Variants in PDSS2 observed in about 807,000 individuals in gnomAD.
PDSS2 encodes all trans-polyprenyl-diphosphate synthase PDSS2.
PDSS2 carries 31 observed loss-of-function variants against 44.5 expected under a neutral mutation model. That is an observed-to-expected ratio of 0.70 (90% CI 0.52 to 0.94). PDSS2 has a LOEUF of 0.94. Among genes scored for constraint, PDSS2 ranks in the 40% least tolerant of loss-of-function variants. The probability of loss-of-function intolerance (pLI) is 0.00; values close to 1 mark genes in which losing one functional copy is unlikely to be tolerated. For synonymous variants in PDSS2, 157 were observed against 180.3 expected (o/e 0.87, Z 1.03); for missense variants, 452 against 482.2 (o/e 0.94, Z 0.59).
intron 1 of PDSS2, among the ~76,000 whole-genome samples, chr6:107,456,085 G>A (rs546610368): frequency 1.2e-3 from 181 of 152,336 alleles, no homozygotes; most frequent in African/African-American, 4.1e-3. Flanking sequence ...CACTTTGGGA[G>A]GCTGAGGTGG....
chr6:107,228,252 T>C (rs991342069), intron 4 of PDSS2, among the ~76,000 whole-genome samples: 4 of 152,194 alleles, frequency 2.6e-5, no homozygotes, highest in African/African-American at 9.6e-5. Flanking sequence ...CATACTAAGC[T>C]TTCTTAGTCA....
At position 107,427,023 on chromosome 6, in the gene PDSS2, G is replaced by A. The variant is rs181311477; in HGVS notation, c.296+31967C>T. 9.2e-5 allele frequency among the ~76,000 whole-genome samples: 14 copies of A among 152,292 alleles called. No homozygotes were observed. In the East Asian group the frequency reaches 2.7e-3, roughly 29 times the overall value. On this transcript the variant is annotated intron_variant, in intron 1 of 7. Coordinates refer to ENST00000369037, the MANE Select transcript of PDSS2 (RefSeq NM_020381.4). ...AATTGGTTTTGAAATGTGAGGACATGAGATTTAGGAGGGACCAGGGGCGGA... is the reference window on the plus strand; with the variant it reads ...AATTGGTTTTGAAATGTGAGGACATAAGATTTAGGAGGGACCAGGGGCGGA...
chr6:107,292,712 A>G (rs1250307531), intron 2 of PDSS2, among the ~76,000 whole-genome samples: 1 of 152,190 alleles, frequency 6.6e-6, no homozygotes, highest in Middle Eastern at 3.2e-3. Context: ...TAACTGAGAC[A>G]TACACTTGAT....
intron 1 of PDSS2, among the ~76,000 whole-genome samples, chr6:107,458,741 A>T (rs1348054805): frequency 6.6e-6 from 1 of 152,122 alleles, no homozygotes; most frequent in Non-Finnish European, 1.5e-5. Context: ...CATCCTCAAC[A>T]ATTAAGAAGC....
intron 5 of PDSS2, among the ~76,000 whole-genome samples, chr6:107,211,603 G>A (rs985430684): frequency 1.3e-5 from 2 of 151,916 alleles, no homozygotes; most frequent in African/African-American, 2.4e-5. Context: ...GGTGGCATGT[G>A]CCTGTAATCC....
At chr6:107,197,266 G>T (rs375093959) in intron 6 of PDSS2, among the ~76,000 whole-genome samples, 42 of 151,610 alleles carry the variant, frequency 2.8e-4, no homozygotes, top group East Asian at 1.4e-3. Context: ...TGGGGTAAGG[G>T]GGGGGTGCAG....
chr6:107,184,832 C>CT (rs11317648), intron 7 of PDSS2, among the ~76,000 whole-genome samples: 74 of 147,620 alleles, frequency 5.0e-4, no homozygotes, highest in East Asian at 1.4e-3. Flanking sequence ...TCTGGAAGAT[C>CT]TTTTTTTTTT....
intron 1 of PDSS2, among the ~76,000 whole-genome samples, chr6:107,405,965 G>A (rs1478342295): frequency 6.6e-6 from 1 of 152,044 alleles, no homozygotes; most frequent in Admixed American, 6.5e-5. Context: ...AACTTTACAG[G>A]TGATGGTTAT....
chr6:107,225,123 C>CTATATATATATTTATATATA (rs1773743725), intron 4 of PDSS2, among the ~76,000 whole-genome samples: 1 of 79,222 alleles, frequency 1.3e-5, no homozygotes, highest in Non-Finnish European at 2.1e-5. Flanking sequence ...GGAAGCTTCA[C>CTATATATATATTTATATATA]TATATATATA....
intron 4 of PDSS2, among the ~76,000 whole-genome samples, chr6:107,216,298 C>G (rs1379810785): frequency 6.6e-6 from 1 of 151,590 alleles, no homozygotes; most frequent in Non-Finnish European, 1.5e-5. Flanking sequence ...CATGGTGAAA[C>G]CCAGTCTCTA....
At chr6:107,315,125 T>TTAATAC (rs1777161777) in intron 2 of PDSS2, among the ~76,000 whole-genome samples, 1 of 152,202 alleles carries the variant, frequency 6.6e-6, no homozygotes, top group African/African-American at 2.4e-5. Context: ...AAATACTTAT[T>TTAATAC]TTCTTAAAAG....
chr6:107,380,458 A>G (rs1779422072), intron 1 of PDSS2, among the ~76,000 whole-genome samples: 1 of 152,152 alleles, frequency 6.6e-6, no homozygotes, highest in South Asian at 2.1e-4. Context: ...TTTGTTACTG[A>G]GAACACTCTG....
At chr6:107,259,791 C>T (rs1019787185) in intron 3 of PDSS2, among the ~76,000 whole-genome samples, 4 of 152,182 alleles carry the variant, frequency 2.6e-5, no homozygotes, top group Non-Finnish European at 4.4e-5. Context: ...CTTTACATGT[C>T]ATCTCTAGGA....
intron 7 of PDSS2, among the ~76,000 whole-genome samples, chr6:107,184,917 C>A (rs976463252): frequency 2.0e-5 from 3 of 150,894 alleles, no homozygotes; most frequent in Non-Finnish European, 3.0e-5. Context: ...ATTTAAAAAA[C>A]CAGCAAAAAC....
intron 1 of PDSS2, among the ~76,000 whole-genome samples, chr6:107,344,867 G>T (rs1049545791): frequency 6.6e-6 from 1 of 152,060 alleles, no homozygotes; most frequent in Non-Finnish European, 1.5e-5. Context: ...CAACAACAAA[G>T]ATTTCCCCAC....
At chr6:107,200,818 C>G (rs1415342348) in intron 6 of PDSS2, among the ~76,000 whole-genome samples, 1 of 152,050 alleles carries the variant, frequency 6.6e-6, no homozygotes, top group African/African-American at 2.4e-5. Flanking sequence ...AGGTGCCCAC[C>G]ACCATGCCTG....
intron 4 of PDSS2, among the ~76,000 whole-genome samples, chr6:107,239,959 A>C (rs2114776953): frequency 6.6e-6 from 1 of 152,264 alleles, no homozygotes; most frequent in African/African-American, 2.4e-5. Flanking sequence ...CTAATCAGAA[A>C]ATAAGTTAAA....
At chr6:107,440,379 G>C (rs984342255) in intron 1 of PDSS2, among the ~76,000 whole-genome samples, 8 of 152,168 alleles carry the variant, frequency 5.3e-5, no homozygotes, top group African/African-American at 1.7e-4. Context: ...GGGCTTCTTT[G>C]ATCTTAACAT....
At chr6:107,288,606 C>T (rs902348756) in intron 2 of PDSS2, among the ~76,000 whole-genome samples, 1 of 151,938 alleles carries the variant, frequency 6.6e-6, no homozygotes, top group African/African-American at 2.4e-5. Flanking sequence ...CAGACAAGCC[C>T]ATCTAATACA....
Sources: allele counts gnomAD v4.1 joint callset (sites outside exome capture counted in the v4.1 genomes callset), GRCh38; gene constraint gnomAD v4.1.1; transcripts MANE v1.5; gene names NCBI Gene and HGNC (gene_info 2026-07-23, HGNC 2026-07-21).